The following TLN2 variants were observed in gnomAD, a reference collection of about 807,000 sequenced individuals.
The protein encoded by TLN2 is talin 2.
TLN2 carries 118 observed loss-of-function variants against 294.7 expected under a neutral mutation model. That is an observed-to-expected ratio of 0.40 (90% CI 0.34 to 0.47). TLN2 has a LOEUF of 0.47. Ranked by LOEUF, TLN2 falls within the 20% of genes least tolerant of loss-of-function variation. The pLI is 0.84. For synonymous variants in TLN2, 1,431 were observed against 1,304.5 expected (o/e 1.10, Z -2.09); for missense variants, 3,083 against 3,282.2 (o/e 0.94, Z 1.48).
rs533415555 is a variant in TLN2, at chr15:62,788,236, G to A, written c.5736+4346G>A. On this transcript the variant is annotated intron_variant, in intron 45 of 58. Coordinates refer to ENST00000636159, the MANE Select transcript of TLN2 (RefSeq NM_015059.3). ...TGAGGCAGGAGAATCGCTTGAACCCGGGTGGCGGAGGTTGCAGTGAGCCAA... is the reference window on the plus strand; with the variant it reads ...TGAGGCAGGAGAATCGCTTGAACCCAGGTGGCGGAGGTTGCAGTGAGCCAA... Among the ~76,000 whole-genome samples the A allele has an allele frequency of 3.4e-3, 523 of 151,802 alleles. 1 individual carries two copies. Among genetic ancestry groups the A allele is most frequent in the Non-Finnish European group, 5.1e-3 (349 of 67,918 alleles).
At chr15:62,759,286 G>T (rs773055563) in intron 37 of TLN2, among the ~76,000 whole-genome samples, 2 of 152,178 alleles carry the variant, frequency 1.3e-5, no homozygotes, top group Non-Finnish European at 2.9e-5. Context: ...GCCTTTTCTG[G>T]ATAAAATAAC....
At chr15:62,542,838 G>A (rs1324328637) in intron 1 of TLN2, among the ~76,000 whole-genome samples, 2 of 151,872 alleles carry the variant, frequency 1.3e-5, no homozygotes, top group African/African-American at 4.8e-5. Flanking sequence ...ACGAATGAAC[G>A]CCACATCAAC....
At chr15:62,593,533 G>A (rs1332499635) in intron 2 of TLN2, among the ~76,000 whole-genome samples, 1 of 152,148 alleles carries the variant, frequency 6.6e-6, no homozygotes, top group Non-Finnish European at 1.5e-5. Flanking sequence ...AGCCCCCCTG[G>A]AGAACTCAAG....
intron 1 of TLN2, among the ~76,000 whole-genome samples, chr15:62,452,023 A>G (rs2036183089): frequency 6.6e-6 from 1 of 152,162 alleles, no homozygotes; most frequent in African/African-American, 2.4e-5. Context: ...GAGACCATGC[A>G]TCCTCCAGCC....
intron 1 of TLN2, among the ~76,000 whole-genome samples, chr15:62,559,877 G>C (rs1309858998): frequency 6.6e-6 from 1 of 152,202 alleles, no homozygotes; most frequent in African/African-American, 2.4e-5. Flanking sequence ...TTACCTCCCA[G>C]TTTCCAGTAA....
chr15:62,564,688 C>T (rs2043236273), intron 1 of TLN2, among the ~76,000 whole-genome samples: 1 of 152,058 alleles, frequency 6.6e-6, no homozygotes, highest in Non-Finnish European at 1.5e-5. Context: ...AGGTGGATCA[C>T]TTGAGGCCAG....
chr15:62,507,519 A>G (rs1028866118), intron 1 of TLN2, among the ~76,000 whole-genome samples: 1 of 152,194 alleles, frequency 6.6e-6, no homozygotes, highest in African/African-American at 2.4e-5. Context: ...CATAATCATA[A>G]CCCAGGCAAG....
chr15:62,686,240 A>G (rs368569819), intron 11 of TLN2, among the ~76,000 whole-genome samples: 1 of 152,356 alleles, frequency 6.6e-6, no homozygotes, highest in East Asian at 1.9e-4. Context: ...ACAGAGTTTT[A>G]GTTAAGTTAA....
At chr15:62,449,969 AG>A (rs2036009531) in intron 1 of TLN2, among the ~76,000 whole-genome samples, 1 of 152,242 alleles carries the variant, frequency 6.6e-6, no homozygotes, top group African/African-American at 2.4e-5. Context: ...TGGTTGTAAA[AG>A]AATTTGGGCT....
At chr15:62,788,254 T>C (rs1160970676) in intron 45 of TLN2, among the ~76,000 whole-genome samples, 1 of 151,922 alleles carries the variant, frequency 6.6e-6, no homozygotes, top group Non-Finnish European at 1.5e-5. Flanking sequence ...GAGGTTGCAG[T>C]GAGCCAAGAT....
At position 62,562,365 on chromosome 15, in the gene TLN2, G is replaced by A. The variant is rs149600896; in HGVS notation, c.-237-27322G>A. Among the ~76,000 whole-genome samples the A allele has an allele frequency of 2.8e-3, 423 of 152,180 alleles. 4 individuals carry two copies. The highest frequency in any genetic ancestry group is 9.5e-3 in the African/African-American group (396 of 41,508). ...CCTGACACCTGGCATCCTGGGTTGTGGCCCTCGTCCTTCACTGGGGATGTG... is the reference window on the plus strand; with the variant it reads ...CCTGACACCTGGCATCCTGGGTTGTAGCCCTCGTCCTTCACTGGGGATGTG... On this transcript the variant is annotated intron_variant, in intron 1 of 58. Coordinates refer to ENST00000636159, the MANE Select transcript of TLN2 (RefSeq NM_015059.3).
chr15:62,840,431 AG>A, intron 58 of TLN2, 50 bp from the exon 59 acceptor site: 1 of 1,606,078 alleles, frequency 6.2e-7, no homozygotes, highest in Non-Finnish European at 8.5e-7. Context: ...GGTGGGTCGG[AG>A]GGTTTTCTAC....
intron 54 of TLN2, among the ~76,000 whole-genome samples, chr15:62,822,767 C>T (rs888924608): frequency 5.3e-5 from 8 of 152,030 alleles, no homozygotes; most frequent in African/African-American, 9.6e-5. Flanking sequence ...CTGTGTAGCA[C>T]GAAGAAAATG....
At chr15:62,720,816 A>T (rs2060099246) in intron 25 of TLN2, among the ~76,000 whole-genome samples, 1 of 152,056 alleles carries the variant, frequency 6.6e-6, no homozygotes, top group African/African-American at 2.4e-5. Flanking sequence ...TCATTATTGG[A>T]CGTACAGGTT....
chr15:62,783,368 G>A (rs1169433418), intron 44 of TLN2, among the ~76,000 whole-genome samples: 1 of 152,230 alleles, frequency 6.6e-6, no homozygotes, highest in Non-Finnish European at 1.5e-5. Flanking sequence ...CATAGGGCTT[G>A]TGCCTCCTGG....
intron 1 of TLN2, among the ~76,000 whole-genome samples, chr15:62,467,328 G>A (rs970297711): frequency 1.3e-5 from 2 of 152,210 alleles, no homozygotes; most frequent in Non-Finnish European, 2.9e-5. Flanking sequence ...GCCTGGATTT[G>A]TGAAACCACA....
chr15:62,475,712 G>A (rs1200629192), intron 1 of TLN2, among the ~76,000 whole-genome samples: 2 of 152,004 alleles, frequency 1.3e-5, no homozygotes, highest in African/African-American at 2.4e-5. Flanking sequence ...GTTCTTTCTT[G>A]AACTTTGTTT....
chr15:62,587,368 C>G (rs942353082), intron 1 of TLN2, among the ~76,000 whole-genome samples: 3 of 152,182 alleles, frequency 2.0e-5, no homozygotes, highest in Admixed American at 1.3e-4. Context: ...TAAAAATCAT[C>G]TAACATTTTG....
At chr15:62,786,298 A>C (rs1211475909) in intron 45 of TLN2, among the ~76,000 whole-genome samples, 3 of 152,208 alleles carry the variant, frequency 2.0e-5, no homozygotes, top group Non-Finnish European at 4.4e-5. Flanking sequence ...GCAGTCCCGC[A>C]GTCCGCTATG....
Sources: gnomAD v4.1 joint callset for allele counts (sites outside exome capture counted in the v4.1 genomes callset) on GRCh38, gnomAD v4.1.1 for gene constraint, MANE v1.5 for transcripts, NCBI Gene and HGNC (gene_info 2026-07-23, HGNC 2026-07-21) for gene names.